Variants in DAP3 observed in about 807,000 individuals in gnomAD.
DAP3 encodes small ribosomal subunit protein mS29.
In DAP3, 28 loss-of-function variants were observed where a neutral mutation model predicts 51.9. That is an observed-to-expected ratio of 0.54 (90% CI 0.40 to 0.74). DAP3 has a LOEUF of 0.74. Among genes scored for constraint, DAP3 ranks in the 30% least tolerant of loss-of-function variants. DAP3 has a pLI of 0.00. For synonymous variants in DAP3, 170 were observed against 170.3 expected (o/e 1.00, Z 0.01); for missense variants, 458 against 483.5 (o/e 0.95, Z 0.49).
intron 2 of DAP3, among the ~76,000 whole-genome samples, chr1:155,715,130 G>T (rs1411329481): frequency 1.3e-5 from 2 of 151,596 alleles, no homozygotes; most frequent in Non-Finnish European, 2.9e-5. Flanking sequence ...TTGAACCCAG[G>T]AGGCGGAGGT....
chr1:155,732,972 C>T (rs541072947), intron 11 of DAP3, among the ~76,000 whole-genome samples: 5 of 152,112 alleles, frequency 3.3e-5, no homozygotes, highest in Non-Finnish European at 5.9e-5. Context: ...TGCAGTGAGC[C>T]GAGATTGCGC....
chr1:155,724,498 G>A (rs1658346476), intron 4 of DAP3, among the ~76,000 whole-genome samples: 1 of 151,840 alleles, frequency 6.6e-6, no homozygotes, highest in Non-Finnish European at 1.5e-5. Flanking sequence ...GCCTGGCATG[G>A]TGGTGGCACC....
At chr1:155,728,902 A>T (rs1032632511) in intron 7 of DAP3, 140 bp from the exon 8 acceptor site, 2 of 724,584 alleles carry the variant, frequency 2.8e-6, no homozygotes, top group East Asian at 5.4e-5. Flanking sequence ...TCACTTCTAC[A>T]TTGAGGTCTC....
At chr1:155,726,117 T>TCTTTTC (rs202046183) in intron 6 of DAP3, 98 bp downstream of exon 6, 1 of 967,964 alleles carries the variant, frequency 1.0e-6, no homozygotes, top group Non-Finnish European at 1.4e-6. Context: ...TCTTTTCTTT[T>TCTTTTC]TTTTTTTTTT....
rs367729872 is a variant in DAP3, at chr1:155,721,198, C to T, written c.169-319C>T. Among the ~76,000 whole-genome samples the T allele has an allele frequency of 1.2e-4, 18 of 150,922 alleles. 1 individual carries two copies. In the South Asian group the frequency reaches 3.8e-3, roughly 32 times the overall value. On this transcript the variant is annotated intron_variant, in intron 3 of 12. Coordinates refer to ENST00000368336, the MANE Select transcript of DAP3 (RefSeq NM_004632.4). ...TAGAAATACAAAAATTAGCCGGGTG[C>T]GGTGGCAGATTGTAATGCCAGCTAC... is the stretch of plus-strand genomic sequence containing the variant.
intron 1 of DAP3, among the ~76,000 whole-genome samples, chr1:155,707,830 T>C (rs1571473296): frequency 6.6e-6 from 1 of 152,208 alleles, no homozygotes; most frequent in Non-Finnish European, 1.5e-5. Flanking sequence ...TCATGCCAGA[T>C]GTAATAGCGT....
chr1:155,711,064 C>T (rs1318932189), intron 2 of DAP3, among the ~76,000 whole-genome samples: 5 of 152,078 alleles, frequency 3.3e-5, no homozygotes, highest in South Asian at 2.1e-4. Context: ...TATGGCTCCC[C>T]CTGCATGTGC....
At chr1:155,721,493 C>T (rs748327569) in intron 3 of DAP3, 24 bp from the exon 4 acceptor site, 1 of 1,611,224 alleles carries the variant, frequency 6.2e-7, no homozygotes, top group South Asian at 1.1e-5. Context: ...CACCATTATA[C>T]CTGTTTGCAC....
At chr1:155,723,489 T>G (rs1318727095) in intron 4 of DAP3, among the ~76,000 whole-genome samples, 1 of 152,058 alleles carries the variant, frequency 6.6e-6, no homozygotes, top group African/African-American at 2.4e-5. Flanking sequence ...CCACCACGCC[T>G]GGCTAATTTT....
chr1:155,726,113 C>CTTTTTT (rs377658512), intron 6 of DAP3, 94 bp downstream of exon 6: 42 of 676,930 alleles, frequency 6.2e-5, no homozygotes, highest in African/African-American at 1.0e-4. Context: ...CTTTTCTTTT[C>CTTTTTT]TTTTTTTTTT....
At chr1:155,729,444 A>G in intron 9 of DAP3, 78 bp downstream of exon 9, 1 of 1,522,190 alleles carries the variant, frequency 6.6e-7, no homozygotes, top group Non-Finnish European at 8.9e-7. Context: ...TTAGCCTTGT[A>G]GACCATGCAA....
chr1:155,716,840 A>G (rs569201309), intron 2 of DAP3, among the ~76,000 whole-genome samples, 166 bp from the exon 3 acceptor site: 14 of 151,576 alleles, frequency 9.2e-5, no homozygotes, highest in Admixed American at 2.0e-4. Flanking sequence ...CCAGTTACTC[A>G]GGAAGCTGAG....
intron 4 of DAP3, among the ~76,000 whole-genome samples, chr1:155,724,968 GAAAA>G (rs1482300447): frequency 6.6e-6 from 1 of 150,544 alleles, no homozygotes; most frequent in African/African-American, 2.4e-5. Flanking sequence ...AAAAAAAAAA[GAAAA>G]AAAATTTAAA....
Position 155,709,778 on chromosome 1 carries a change from G to C in DAP3, c.-2G>C, listed in dbSNP as rs781046714. The stretch of plus-strand genomic sequence containing the variant: ...TTTTTTTTTTTTTGTAACAGTGCAA[G>C]GATGATGCTGAAAGGAATAACAAGG... On this transcript the variant is annotated 5_prime_UTR_variant, in exon 2 of 13. Coordinates refer to ENST00000368336, the MANE Select transcript of DAP3 (RefSeq NM_004632.4). The C allele has an allele frequency of 1.2e-6, 2 of 1,611,760 alleles. No homozygotes were observed. Among genetic ancestry groups the C allele is most frequent in the Non-Finnish European group, 1.7e-6 (2 of 1,179,500 alleles).
chr1:155,706,314 T>A (rs1655959237), intron 1 of DAP3, among the ~76,000 whole-genome samples: 1 of 152,196 alleles, frequency 6.6e-6, no homozygotes, highest in Admixed American at 6.5e-5. Flanking sequence ...CCTATGTGAT[T>A]CTCTTGACTG....
intron 3 of DAP3, among the ~76,000 whole-genome samples, chr1:155,721,291 C>G (rs1657969821): frequency 6.6e-6 from 1 of 151,748 alleles, no homozygotes; most frequent in Non-Finnish European, 1.5e-5. Context: ...AAGATCGCAC[C>G]ATTGCACTCC....
At chr1:155,700,147 G>C (rs1222878200) in intron 1 of DAP3, among the ~76,000 whole-genome samples, 1 of 152,078 alleles carries the variant, frequency 6.6e-6, no homozygotes, top group Non-Finnish European at 1.5e-5. Flanking sequence ...ATGTTGGCCA[G>C]GATGGTCTCA....
At position 155,737,078 on chromosome 1, in the gene DAP3, T is replaced by A. The variant is rs1412520116; in HGVS notation, c.1111+15T>A. 1 of 1,582,176 alleles carries A rather than the reference T, an allele frequency of 6.3e-7. No homozygotes were observed. The highest frequency in any genetic ancestry group is 2.2e-5 in the East Asian group (1 of 44,710). ...ACATGAGAAAGGTCCATCATTTAGT[T>A]TTTTCCTATCAGGGCTTTGTGATCA... On this transcript the variant is annotated intron_variant, in intron 12 of 12. Coordinates refer to ENST00000368336, the MANE Select transcript of DAP3 (RefSeq NM_004632.4).
intron 1 of DAP3, among the ~76,000 whole-genome samples, chr1:155,690,642 T>C (rs1653659517): frequency 7.0e-6 from 1 of 142,344 alleles, no homozygotes; most frequent in Non-Finnish European, 1.5e-5. Flanking sequence ...ATTTTGAAAA[T>C]TGTACCATGG....
Sources: gnomAD v4.1 joint callset for allele counts (sites outside exome capture counted in the v4.1 genomes callset) on GRCh38, gnomAD v4.1.1 for gene constraint, MANE v1.5 for transcripts, NCBI Gene and HGNC (gene_info 2026-07-23, HGNC 2026-07-21) for gene names.